Variants in ZNRF3 observed in about 807,000 individuals in gnomAD.
ZNRF3 encodes E3 ubiquitin-protein ligase ZNRF3.
ZNRF3 carries 23 observed loss-of-function variants against 72.5 expected under a neutral mutation model. The observed-to-expected ratio is 0.32, with a 90% confidence interval of 0.23 to 0.45. ZNRF3 has a LOEUF of 0.45. ZNRF3 is among the 20% of genes least tolerant of loss of function. The pLI, the probability that ZNRF3 is intolerant of heterozygous loss-of-function variation, is 1.00. For synonymous variants in ZNRF3, 610 were observed against 545.3 expected, an observed-to-expected ratio of 1.12 and a Z score of -1.65; for missense variants, 1,169 against 1,272.1, an observed-to-expected ratio of 0.92 and a Z score of 1.23.
rs982373750 is a variant in ZNRF3 at position 29,048,926 on chromosome 22, C to T, written c.1016-271C>T. Reference sequence around the variant, plus strand: ...GGAGGGACACTGGCATCTTTGAATCCGATTCTTTTCTGCAGACTTCTGTGG... The same window carrying T: ...GGAGGGACACTGGCATCTTTGAATCTGATTCTTTTCTGCAGACTTCTGTGG... On this transcript the variant is annotated intron_variant, in intron 7 of 8. Transcript: ENST00000544604. This position sits in a 1 kb window ranked among gnomAD's most constrained non-coding sequence, Gnocchi z 4.9. 3.9e-5 allele frequency among the ~76,000 whole-genome samples: 6 copies of T among 152,112 alleles called. No homozygotes were observed. Among genetic ancestry groups the T allele is most frequent in the Non-Finnish European group, 8.8e-5 (6 of 68,040 alleles).
At chr22:28,936,640 C>T (rs1206546420) in intron 1 of ZNRF3, among the ~76,000 whole-genome samples, 2 of 152,146 alleles carry the variant, frequency 1.3e-5, no homozygotes, top group Admixed American at 6.5e-5. Context: ...ATTTGCTGTA[C>T]TCCAGCCCAC....
At chr22:28,978,562 A>T (rs565329245) in intron 1 of ZNRF3, among the ~76,000 whole-genome samples, 2 of 152,318 alleles carry the variant, frequency 1.3e-5, no homozygotes, top group East Asian at 3.9e-4. Context: ...GGACCCATAG[A>T]ATCTGCTGGA....
chr22:28,951,170 G>C (rs1255353824), intron 1 of ZNRF3, among the ~76,000 whole-genome samples: 1 of 152,110 alleles, frequency 6.6e-6, no homozygotes, highest in Admixed American at 6.6e-5. Context: ...TTCTTATAGC[G>C]CCCTTCCTTT....
chr22:29,034,631 A>T (rs190813113), intron 2 of ZNRF3, among the ~76,000 whole-genome samples: 1 of 152,344 alleles, frequency 6.6e-6, no homozygotes, highest in Non-Finnish European at 1.5e-5. Flanking sequence ...TTCTCAAAGG[A>T]CACCGACCAG....
chr22:28,897,478 G>A (rs1336155472), intron 1 of ZNRF3, among the ~76,000 whole-genome samples: 1 of 152,090 alleles, frequency 6.6e-6, no homozygotes, highest in Non-Finnish European at 1.5e-5. Flanking sequence ...GCGCCACCAC[G>A]CCCTGCTAAT....
intron 1 of ZNRF3, among the ~76,000 whole-genome samples, chr22:28,938,850 C>T (rs1433421145): frequency 6.6e-6 from 1 of 152,138 alleles, no homozygotes; most frequent in African/African-American, 2.4e-5. Context: ...AGAAGTAAGG[C>T]ATGTGCTTGG....
chr22:28,945,526 AT>A (rs528570669), intron 1 of ZNRF3, among the ~76,000 whole-genome samples: 5,039 of 137,700 alleles, frequency 0.037, 216 homozygotes, highest in African/African-American at 0.11. Flanking sequence ...ACCCGTCTCT[AT>A]TTTTTTTTTT....
rs189543325 is a variant in ZNRF3, at chr22:28,970,752, C to T, written c.301-16324C>T. On this transcript the variant is annotated intron_variant, in intron 1 of 8. Transcript: ENST00000544604. ...AGGATCCAGGGTTCTTCCCTTCCCC[C>T]CAAAAAAGAGTGCATGATACATCAT... is the stretch of plus-strand genomic sequence containing the variant. Among the ~76,000 whole-genome samples, 3 of 152,126 alleles carry T rather than the reference C, an allele frequency of 2.0e-5. 1 individual carries two copies. The South Asian group carries it at 6.2e-4, about 32-fold the overall frequency.
chr22:28,884,087 C>G, intron 1 of ZNRF3, 21 bp downstream of exon 1: 2 of 1,188,238 alleles, frequency 1.7e-6, no homozygotes, highest in Non-Finnish European at 2.1e-6. Context: ...GCCGCCCGGG[C>G]CCCGCGCCGC....
rs1442924926 is a variant in ZNRF3 at position 28,991,302 on chromosome 22, AAAAAAAAAAG to A, written c.426+4104_426+4113del. On this transcript the variant is annotated intron_variant, in intron 2 of 8. Coordinates refer to ENST00000544604, the MANE Select transcript of ZNRF3 (RefSeq NM_001206998.2). ...CTCAAAAAAAAAAAAAAAAAAAAAA[AAAAAAAAAAG>A]AAGAACAGTATGGTCAATAGGCATG... Among the ~76,000 whole-genome samples the A allele has an allele frequency of 5.0e-3, 737 of 148,390 alleles. 10 individuals carry two copies. Among genetic ancestry groups the A allele is most frequent in the African/African-American group, 0.018 (702 of 39,694 alleles).
intron 1 of ZNRF3, among the ~76,000 whole-genome samples, chr22:28,895,529 C>T (rs988820811): frequency 6.6e-6 from 1 of 152,014 alleles, no homozygotes; most frequent in African/African-American, 2.4e-5. Context: ...TAGCCAGGCG[C>T]AGTGGCGGGT....
chr22:28,900,289 G>A (rs549668892), intron 1 of ZNRF3, among the ~76,000 whole-genome samples: 1 of 152,320 alleles, frequency 6.6e-6, no homozygotes, highest in Admixed American at 6.5e-5. Flanking sequence ...AGTCGAAGGT[G>A]CCATCACCCA....
intron 2 of ZNRF3, among the ~76,000 whole-genome samples, chr22:29,040,412 C>G (rs1210391850): frequency 6.6e-6 from 1 of 152,116 alleles, no homozygotes; most frequent in Non-Finnish European, 1.5e-5. Context: ...AACTCCTGAC[C>G]TCAGGTGATC....
chr22:28,951,006 A>G (rs755082016), intron 1 of ZNRF3, among the ~76,000 whole-genome samples: 1 of 152,186 alleles, frequency 6.6e-6, no homozygotes, highest in African/African-American at 2.4e-5. Context: ...TCCCCCTGTG[A>G]TGGCACCTTG....
At chr22:29,015,495 C>T (rs757680195) in intron 2 of ZNRF3, among the ~76,000 whole-genome samples, 17 of 152,004 alleles carry the variant, frequency 1.1e-4, no homozygotes, top group Non-Finnish European at 2.2e-4. Flanking sequence ...CATGGCGAAA[C>T]CCTGTCTCTA....
At position 29,056,885 on chromosome 22, in the gene ZNRF3, C is replaced by CT. The variant is rs2037310015; in HGVS notation, c.*3265dup. ...CCCCTTCTGTCCCACTGCTCACATACTTATGTGCTGCTAGTCTCTACTCGA... is the reference window on the plus strand; with the variant it reads ...CCCCTTCTGTCCCACTGCTCACATACTTTATGTGCTGCTAGTCTCTACTCGA... On this transcript the variant is annotated 3_prime_UTR_variant, in exon 9 of 9. Coordinates refer to ENST00000544604, the MANE Select transcript of ZNRF3 (RefSeq NM_001206998.2). The CT allele has an allele frequency of 6.6e-6, 1 of 152,224 alleles. No homozygotes were observed. The highest frequency in any genetic ancestry group is 1.5e-5 in the Non-Finnish European group (1 of 68,046). The allele number at this position is 152,224 out of a possible 1,614,324, so 9.4% of individuals were successfully genotyped here. A position where few individuals can be genotyped will look rare whatever the true frequency, so the allele number is the denominator to read the frequency against.
chr22:29,011,892 T>C (rs1162510282), intron 2 of ZNRF3, among the ~76,000 whole-genome samples: 1 of 152,246 alleles, frequency 6.6e-6, no homozygotes, highest in African/African-American at 2.4e-5. Context: ...ACCATGTCTC[T>C]GCTTGTGTGC....
intron 1 of ZNRF3, among the ~76,000 whole-genome samples, chr22:28,947,998 C>T (rs1406595898): frequency 2.0e-5 from 3 of 151,966 alleles, no homozygotes; most frequent in Admixed American, 2.0e-4. Flanking sequence ...GCGTGTGCCA[C>T]CACACCCAGC....
Position 29,048,070 on chromosome 22 carries a change from AGGAGGACTCGGCCCTCCCTG to A in ZNRF3, c.913-316_913-297del, listed in dbSNP as rs1212987351. Among the ~76,000 whole-genome samples the A allele has an allele frequency of 6.6e-6, 1 of 152,154 alleles. No homozygotes were observed. The highest frequency in any genetic ancestry group is 1.5e-5 in the Non-Finnish European group (1 of 68,030). ...CCCTAAGCCTCCCATCCTCACTAGC[AGGAGGACTCGGCCCTCCCTG>A]GGTGGAGGCATGAGTGTGTTTGCCC... is the stretch of plus-strand genomic sequence containing the variant. On this transcript the variant is annotated intron_variant, in intron 6 of 8. Transcript: ENST00000544604. This position sits in a 1 kb window ranked among gnomAD's most constrained non-coding sequence, Gnocchi z 4.9.
Sources: allele counts gnomAD v4.1 joint callset (sites outside exome capture counted in the v4.1 genomes callset), GRCh38; gene constraint gnomAD v4.1.1; non-coding constraint Gnocchi (gnomAD v3.1); transcripts MANE v1.5; gene names NCBI Gene and HGNC (gene_info 2026-07-23, HGNC 2026-07-21).